DNAH8: variants seen among roughly 807,000 people sequenced by gnomAD.
DNAH8 encodes axonemal beta dynein heavy chain 8.
In DNAH8, 382 loss-of-function variants were observed where a neutral mutation model predicts 562.1. The observed-to-expected ratio is 0.68, with a 90% CI of 0.63 to 0.74. The LOEUF (loss-of-function observed/expected upper bound fraction) is 0.74. Among genes scored for constraint, DNAH8 ranks in the 30% least tolerant of loss-of-function variants. DNAH8 has a pLI of 0.00. For missense variants in DNAH8, 5,203 were observed against 5,620.4 expected (o/e 0.93, Z 2.37); for synonymous variants, 1,881 against 1,919.4 (o/e 0.98, Z 0.52).
In DNAH8 at chr6:38,863,890, T is replaced by C. The variant is rs201462063; in HGVS notation, c.6328T>C (p.Ser2110Pro). ...CATGCCAGGTCTTGCACAGTCGGGT[T>C]CCTGGGGCTGTTTTGATGAGTTTAA... ...RIFKGLAQSG[S>P]WGCFDEFNRI... Residue 2110 changes from serine to proline, a missense_variant, in exon 45 of 93, where the codon TCC becomes CCC. Physicochemically the swap from Ser to Pro is moderately conservative, Grantham distance 74 (BLOSUM62 -1). This residue lies in a region of DNAH8 where 2,176 missense variants were observed against 2,365.1 expected (regional missense o/e 0.92). Coordinates refer to ENST00000327475, the MANE Select transcript of DNAH8 (RefSeq NM_001206927.2). 114 of 1,599,034 alleles carry C rather than the reference T, an allele frequency of 7.1e-5. No individual in the cohort carries two copies. Among genetic ancestry groups the C allele is most frequent in the Non-Finnish European group, 3.1e-5 (36 of 1,176,494 alleles).
chr6:38,937,317 C>T (rs1049690625), intron 77 of DNAH8, among the ~76,000 whole-genome samples: 1 of 151,698 alleles, frequency 6.6e-6, no homozygotes, highest in Non-Finnish European at 1.5e-5. Flanking sequence ...AACAAACCTG[C>T]ACGTTCTGCA....
chr6:38,907,267 G>T (rs951278536), intron 63 of DNAH8, among the ~76,000 whole-genome samples: 1 of 152,164 alleles, frequency 6.6e-6, no homozygotes, highest in Admixed American at 6.5e-5. Context: ...CAGTATGAAG[G>T]GCAGTAACAT....
rs180723141 is a variant in DNAH8 at position 38,723,079 on chromosome 6, G to A, written c.270G>A (p.Pro90=). ...ATAGAGTTCGACAGAGGCTTGCACC[G>A]CGACCGGTTCAGTCAGTGATTTCGG... ...DLNRVRQRLA[P]RPVQSVISEV... is the part of the protein sequence containing the mutation. Residue 90 remains proline, a synonymous_variant, in exon 2 of 93, where the codon CCG becomes CCA. Transcript: ENST00000327475. 8.1e-6 allele frequency: 13 copies of A among 1,612,758 alleles called. No individual in the cohort carries two copies. The South Asian group carries it at 1.1e-4, about 14-fold the overall frequency.
intron 88 of DNAH8, among the ~76,000 whole-genome samples, chr6:39,003,935 T>C (rs1765639229): frequency 6.9e-6 from 1 of 144,250 alleles, no homozygotes; most frequent in South Asian, 2.1e-4. Flanking sequence ...GCTTCTTTTC[T>C]TCTTCTTCCT....
chr6:38,959,839 A>C (rs1762494494), intron 82 of DNAH8, among the ~76,000 whole-genome samples: 1 of 152,076 alleles, frequency 6.6e-6, no homozygotes, highest in Non-Finnish European at 1.5e-5. Flanking sequence ...AAAAAGTTTA[A>C]GGCACCAAAC....
intron 88 of DNAH8, among the ~76,000 whole-genome samples, chr6:39,005,368 T>A (rs1443760258): frequency 6.6e-6 from 1 of 152,126 alleles, no homozygotes; most frequent in African/African-American, 2.4e-5. Context: ...AGCACCACTG[T>A]ACTCCAGCCT....
intron 1 of DNAH8, among the ~76,000 whole-genome samples, chr6:38,720,414 C>A (rs1012016962): frequency 6.6e-6 from 1 of 152,154 alleles, no homozygotes; most frequent in Non-Finnish European, 1.5e-5. Flanking sequence ...GCATGAACCC[C>A]TAGCCAGCAT....
chr6:38,815,388 GT>G, intron 25 of DNAH8, 79 bp from the exon 26 acceptor site: 1 of 1,165,540 alleles, frequency 8.6e-7, no homozygotes, highest in South Asian at 1.4e-5. Context: ...GCCCCACTCA[GT>G]GGGGAATGGA....
rs192951050 is a variant in DNAH8 at position 38,929,279 on chromosome 6, C to T, written c.11119-232C>T. 16 of 339,734 alleles carry T rather than the reference C, an allele frequency of 4.7e-5. 1 individual carries two copies. In the Admixed American group the frequency reaches 6.8e-4, roughly 14 times the overall value. 21.0% of individuals were successfully genotyped at this position (339,734 alleles called of 1,614,324 possible). On this transcript the variant is annotated intron_variant, in intron 74 of 92. Coordinates refer to ENST00000327475, the MANE Select transcript of DNAH8 (RefSeq NM_001206927.2). ...TTGCATCTGAGCAATGCCCCTTAAC[C>T]CTCCTCTTTTGATCATAGAGACCCC...
At chr6:39,028,001 T>C (rs1453256708) in intron 92 of DNAH8, among the ~76,000 whole-genome samples, 1 of 152,122 alleles carries the variant, frequency 6.6e-6, no homozygotes, top group Non-Finnish European at 1.5e-5. Context: ...GATTTCCAAG[T>C]TCTAGCCAAG....
intron 81 of DNAH8, among the ~76,000 whole-genome samples, chr6:38,950,576 A>T (rs1761825052): frequency 6.6e-6 from 1 of 151,482 alleles, no homozygotes; most frequent in Non-Finnish European, 1.5e-5. Flanking sequence ...AGTAGCTGGG[A>T]CTACAGGCGC....
At chr6:39,005,901 A>G (rs754983828) in intron 88 of DNAH8, among the ~76,000 whole-genome samples, 5 of 152,210 alleles carry the variant, frequency 3.3e-5, no homozygotes, top group Admixed American at 6.5e-5. Context: ...TTTTACTGTG[A>G]TGTATCTACA....
Position 38,949,517 on chromosome 6 carries a change from C to T in DNAH8, c.12195C>T (p.Ile4065=). 1 of 1,613,206 alleles carries T rather than the reference C, an allele frequency of 6.2e-7. No individual in the cohort carries two copies. The highest frequency in any genetic ancestry group is 1.3e-5 in the African/African-American group (1 of 74,992). Residue 4065 remains isoleucine, a synonymous_variant, in exon 81 of 93, where the codon ATC becomes ATT. Coordinates refer to ENST00000327475, the MANE Select transcript of DNAH8 (RefSeq NM_001206927.2). ...FDKDAPEEEI[I]PDGYNDSLDT... Reference sequence around the variant, plus strand: ...AAGATGCTCCAGAGGAGGAAATTATCCCTGATGGATATAATGATTCACTAG... The same window carrying T: ...AAGATGCTCCAGAGGAGGAAATTATTCCTGATGGATATAATGATTCACTAG...
At chr6:38,779,355 GTCTCTGTCTCTCTATTTC>G (rs1353933880) in intron 14 of DNAH8, among the ~76,000 whole-genome samples, 20 of 152,084 alleles carry the variant, frequency 1.3e-4, no homozygotes, top group Admixed American at 1.3e-3. Flanking sequence ...GGCGACTTCT[GTCTCTGTCTCTCTATTTC>G]TCTCTGTCTC....
chr6:38,951,696 G>A (rs1761918530), intron 82 of DNAH8, among the ~76,000 whole-genome samples, 176 bp downstream of exon 82: 1 of 151,732 alleles, frequency 6.6e-6, no homozygotes, highest in Non-Finnish European at 1.5e-5. Flanking sequence ...TATGATATAG[G>A]TATCTTTGTT....
chr6:38,940,517 T>C (rs754569608), intron 79 of DNAH8, among the ~76,000 whole-genome samples: 14 of 152,144 alleles, frequency 9.2e-5, no homozygotes, highest in Non-Finnish European at 2.1e-4. Context: ...AAGGTGTACT[T>C]CTCATTCATG....
intron 81 of DNAH8, 109 bp downstream of exon 81, chr6:38,949,679 G>A (rs1157987291): frequency 6.2e-6 from 4 of 647,298 alleles, no homozygotes; most frequent in Non-Finnish European, 1.1e-5. Flanking sequence ...GAAAGTAACG[G>A]CAAAAACCGC....
chr6:38,810,577 G>A (rs1771707842), intron 24 of DNAH8, among the ~76,000 whole-genome samples: 1 of 151,918 alleles, frequency 6.6e-6, no homozygotes, highest in Admixed American at 6.6e-5. Flanking sequence ...GGGCAACAGA[G>A]TGAGACTCCA....
intron 52 of DNAH8, among the ~76,000 whole-genome samples, chr6:38,874,308 CCCCTT>C (rs1323317279): frequency 1.6e-3 from 104 of 63,678 alleles, no homozygotes; most frequent in East Asian, 0.013. Context: ...CCCCTCCCCT[CCCCTT>C]CCCTTCCCTT....
Sources: gnomAD v4.1 joint callset for allele counts (sites outside exome capture counted in the v4.1 genomes callset) on GRCh38, gnomAD v4.1.1 for gene constraint, gnomAD v4.1.1 regional missense constraint, MANE v1.5 for transcripts, NCBI Gene and HGNC (gene_info 2026-07-23, HGNC 2026-07-21) for gene names.